Variants in SCN11A observed in about 807,000 individuals in gnomAD.
SCN11A encodes the protein sodium channel protein type 11 subunit alpha.
In SCN11A, 122 loss-of-function variants were observed where a neutral mutation model predicts 162.2. The ratio of observed to expected loss-of-function variants is 0.75; its 90% CI spans 0.65 to 0.87. The LOEUF is 0.87. Among genes scored for constraint, SCN11A ranks in the 40% least tolerant of loss-of-function variants. SCN11A has a pLI of 0.00. For synonymous variants in SCN11A, 758 were observed against 751.5 expected (o/e 1.01, Z -0.14); for missense variants, 2,015 against 2,181.6 (o/e 0.92, Z 1.52).
intron 1 of SCN11A, among the ~76,000 whole-genome samples, chr3:39,040,929 A>T (rs2032036984): frequency 6.6e-6 from 1 of 152,066 alleles, no homozygotes; most frequent in Non-Finnish European, 1.5e-5. Flanking sequence ...ATACAAAAAA[A>T]AAATTAGCCA....
chr3:38,896,953 G>A lies in SCN11A; in HGVS notation c.2295C>T (p.Leu765=), dbSNP rs750193072. Residue 765 remains leucine (L), a synonymous_variant, in exon 18 of 30, where the codon CTC becomes CTT. Transcript: ENST00000302328. ...ACATATTTTCGATCCATTCCCCGCAGAGGATGCGGAATACCACTAGGAAGG... is the reference window on the plus strand; with the variant it reads ...ACATATTTTCGATCCATTCCCCGCAAAGGATGCGGAATACCACTAGGAAGG... ...WHSFLVVFRI[L]CGEWIENMWE... is the part of the protein sequence containing the mutation. 9.3e-6 allele frequency: 15 copies of A among 1,613,948 alleles called. No homozygotes were observed. Among genetic ancestry groups the A allele is most frequent in the African/African-American group, 1.3e-5 (1 of 74,912 alleles).
chr3:38,848,372 T>C (rs1469931510), intron 29 of SCN11A, among the ~76,000 whole-genome samples: 1 of 152,056 alleles, frequency 6.6e-6, no homozygotes, highest in East Asian at 1.9e-4. Context: ...TGTTCTTGCT[T>C]TGAGAGTCTT....
chr3:38,925,974 C>T (rs2066134678), intron 8 of SCN11A, among the ~76,000 whole-genome samples: 1 of 152,218 alleles, frequency 6.6e-6, no homozygotes, highest in African/African-American at 2.4e-5. Context: ...AATCTTTGAA[C>T]TTCAAATGTA....
intron 4 of SCN11A, among the ~76,000 whole-genome samples, 104 bp downstream of exon 4, chr3:38,953,525 C>A (rs539149956): frequency 5.2e-4 from 79 of 152,088 alleles, no homozygotes; most frequent in African/African-American, 1.8e-3. Context: ...TGTAGCAAAT[C>A]AAATTACAGG....
chr3:38,978,594 C>T (rs979851285), intron 2 of SCN11A, among the ~76,000 whole-genome samples: 4 of 152,026 alleles, frequency 2.6e-5, no homozygotes, highest in Non-Finnish European at 4.4e-5. Context: ...TGCGGTGAAC[C>T]GAGATCACGC....
chr3:38,933,223 T>C (rs1432334510), intron 7 of SCN11A, among the ~76,000 whole-genome samples: 4 of 152,078 alleles, frequency 2.6e-5, no homozygotes, highest in African/African-American at 9.7e-5. Context: ...AACCCATCTG[T>C]ACATCACCAT....
At chr3:38,980,482 G>A (rs893933706) in intron 2 of SCN11A, among the ~76,000 whole-genome samples, 1 of 152,134 alleles carries the variant, frequency 6.6e-6, no homozygotes, top group African/African-American at 2.4e-5. Context: ...AGCCACAGCT[G>A]CAATACGCTC....
At chr3:38,925,670 C>T (rs1243845539) in intron 8 of SCN11A, among the ~76,000 whole-genome samples, 161 bp from the exon 9 acceptor site, 1 of 152,216 alleles carries the variant, frequency 6.6e-6, no homozygotes, top group Non-Finnish European at 1.5e-5. Context: ...TAGGATCTGG[C>T]AATACCACTG....
Position 38,885,368 on chromosome 3 carries a change from C to T in SCN11A, c.2984G>A (p.Ser995Asn). 4.3e-6 allele frequency: 7 copies of T among 1,612,626 alleles called. No individual in the cohort carries two copies. The highest frequency in any genetic ancestry group is 5.1e-6 in the Non-Finnish European group (6 of 1,178,600). The change falls in exon 21 of 30, where the codon AGC becomes AAC. Residue 995 changes from serine (S) to asparagine (N), a missense_variant. Ser to Asn is a conservative substitution (Grantham distance 46, BLOSUM62 1). Coordinates refer to ENST00000302328, the MANE Select transcript of SCN11A (RefSeq NM_001349253.2). ...SDVTSILSEC[S>N]TIDLQDGFGW... Reference sequence around the variant, plus strand: ...AAAGCCATCCTGAAGATCAATGGTGCTACATTCTGATAGTATACTGGTAAC... The same window carrying T: ...AAAGCCATCCTGAAGATCAATGGTGTTACATTCTGATAGTATACTGGTAAC...
At chr3:38,883,850 T>C (rs1181289360) in intron 21 of SCN11A, among the ~76,000 whole-genome samples, 1 of 152,216 alleles carries the variant, frequency 6.6e-6, no homozygotes, top group Non-Finnish European at 1.5e-5. Flanking sequence ...TTGTAGTTGT[T>C]TGTTATGCAG....
rs554361203 is a variant in SCN11A at position 38,900,190 on chromosome 3, A to C, written c.1843-117T>G. 1.5e-4 allele frequency: 113 copies of C among 739,496 alleles called. No homozygotes were observed. In the East Asian group the frequency reaches 1.8e-3, roughly 12 times the overall value. 45.8% of individuals were successfully genotyped at this position (739,496 alleles called of 1,614,324 possible). ...TGAAAAGTATTCTCATGATTGACAC[A>C]CTATACCCTAAAGTCCATGCAATAG... On this transcript the variant is annotated intron_variant, in intron 16 of 29. Coordinates refer to ENST00000302328, the MANE Select transcript of SCN11A (RefSeq NM_001349253.2).
chr3:38,938,963 G>T (rs906288884), intron 7 of SCN11A, among the ~76,000 whole-genome samples: 1 of 152,002 alleles, frequency 6.6e-6, no homozygotes, highest in Admixed American at 6.6e-5. Context: ...GATCACTTGA[G>T]TCCAGGAGTT....
chr3:39,021,164 A>G (rs2031440991), intron 2 of SCN11A, among the ~76,000 whole-genome samples: 1 of 152,248 alleles, frequency 6.6e-6, no homozygotes, highest in African/African-American at 2.4e-5. Flanking sequence ...GGTAAGGGAA[A>G]CTTTTTGAAG....
chr3:38,934,989 C>A (rs9683275), intron 7 of SCN11A, among the ~76,000 whole-genome samples: 70,450 of 150,926 alleles, frequency 0.47, 19,200 homozygotes, highest in African/African-American at 0.78. Flanking sequence ...TAAAGCTCTC[C>A]TCAGCAAATG....
intron 2 of SCN11A, among the ~76,000 whole-genome samples, chr3:38,985,087 A>G (rs2125591802): frequency 6.7e-6 from 1 of 149,672 alleles, no homozygotes; most frequent in South Asian, 2.1e-4. Context: ...AGAGGATGAC[A>G]TATTCGGATT....
At chr3:38,878,335 T>C (rs1159428286) in intron 23 of SCN11A, among the ~76,000 whole-genome samples, 1 of 151,996 alleles carries the variant, frequency 6.6e-6, no homozygotes, top group Non-Finnish European at 1.5e-5. Flanking sequence ...GGGCAATTTA[T>C]AGTCCACATC....
At chr3:39,049,576 G>T (rs1481389186) in intron 1 of SCN11A, among the ~76,000 whole-genome samples, 1 of 152,226 alleles carries the variant, frequency 6.6e-6, no homozygotes, top group Non-Finnish European at 1.5e-5. Flanking sequence ...CCCTCCCAGA[G>T]CATGGGGTAT....
chr3:39,025,394 A>G (rs1354660742), intron 2 of SCN11A, among the ~76,000 whole-genome samples: 1 of 152,036 alleles, frequency 6.6e-6, no homozygotes, highest in African/African-American at 2.4e-5. Flanking sequence ...AAGAATGGCT[A>G]CTCCCTAGAC....
chr3:38,932,743 C>A (rs1273360749), intron 7 of SCN11A, among the ~76,000 whole-genome samples: 1 of 152,232 alleles, frequency 6.6e-6, no homozygotes, highest in East Asian at 1.9e-4. Context: ...TGGAGCCCAC[C>A]ACAGCTCAAG....
Sources: gnomAD v4.1 joint callset for allele counts (sites outside exome capture counted in the v4.1 genomes callset) on GRCh38, gnomAD v4.1.1 for gene constraint, MANE v1.5 for transcripts, NCBI Gene and HGNC (gene_info 2026-07-23, HGNC 2026-07-21) for gene names.